LITAF: variants seen among roughly 807,000 people sequenced by gnomAD.
LITAF encodes lipopolysaccharide induced TNF factor.
LITAF carries 9 observed loss-of-function variants against 14.5 expected under a neutral mutation model. The ratio of observed to expected loss-of-function variants is 0.62; its 90% confidence interval spans 0.37 to 1.08. The LOEUF is 1.08. Ranked by LOEUF, LITAF falls within the 50% of genes least tolerant of loss-of-function variation. LITAF has a pLI of 0.01. For synonymous variants in LITAF, 98 were observed against 88.2 expected (o/e 1.11, Z -0.62); for missense variants, 206 against 213.4 (o/e 0.97, Z 0.22).
chr16:11,593,326 A>G (rs1010537155), intron 1 of LITAF, among the ~76,000 whole-genome samples: 1 of 144,946 alleles, frequency 6.9e-6, no homozygotes, highest in African/African-American at 2.6e-5. Context: ...AGTGCTCTCC[A>G]GCATGGGAGA....
intron 3 of LITAF, among the ~76,000 whole-genome samples, chr16:11,618,445 C>T (rs2065030463): frequency 1.3e-5 from 2 of 152,202 alleles, no homozygotes; most frequent in East Asian, 1.9e-4. Context: ...GTCCTTTGAC[C>T]GTGCAGTCTG....
At position 11,579,592 on chromosome 16, in the gene LITAF, G is replaced by C. The variant is rs929891376; in HGVS notation, c.-6+7294C>G. Reference sequence around the variant, plus strand: ...GCCCAGAAAAAAAGGACATCAGTGGGAGAACTGGGAACTCCAGATAAAGTC... The same window carrying C: ...GCCCAGAAAAAAAGGACATCAGTGGCAGAACTGGGAACTCCAGATAAAGTC... On this transcript the variant is annotated intron_variant, in intron 1 of 3. Transcript: ENST00000622633. Among the ~76,000 whole-genome samples, 2 of 152,076 alleles carry C rather than the reference G, an allele frequency of 1.3e-5. 1 individual carries two copies. The highest frequency in any genetic ancestry group is 1.3e-4 in the Admixed American group (2 of 15,264).
chr16:11,627,108 G>T (rs1305837480), intron 3 of LITAF, among the ~76,000 whole-genome samples: 1 of 152,074 alleles, frequency 6.6e-6, no homozygotes, highest in Non-Finnish European at 1.5e-5. Context: ...CTAGCCCCAG[G>T]GGCTGTGTCA....
Position 11,551,771 on chromosome 16 carries a change from G to A in LITAF, c.377+1762C>T, listed in dbSNP as rs993813045. 19 of 685,496 alleles carry A rather than the reference G, an allele frequency of 2.8e-5. No individual in the cohort carries two copies. In the African/African-American group the frequency reaches 3.4e-4, roughly 12 times the overall value. The allele number at this position is 685,496 out of a possible 1,614,324, so 42.5% of individuals were successfully genotyped here. A position where few individuals can be genotyped will look rare whatever the true frequency, so the allele number is the denominator to read the frequency against. ...TGCAGGAGCCCAGGAGATCAAAGCT[G>A]CGGAGAGCTACGATCGTACCACTGC... On this transcript the variant is annotated intron_variant, in intron 3 of 3. Transcript: ENST00000622633.
chr16:11,626,623 C>A (rs1194147499), intron 3 of LITAF, among the ~76,000 whole-genome samples: 1 of 152,126 alleles, frequency 6.6e-6, no homozygotes, highest in East Asian at 1.9e-4. Flanking sequence ...CAGGCGTGAG[C>A]CACCGCGCCC....
chr16:11,596,366 G>T (rs1408471478), intron 1 of LITAF, among the ~76,000 whole-genome samples: 1 of 150,886 alleles, frequency 6.6e-6, no homozygotes, highest in Non-Finnish European at 1.5e-5. Context: ...TTGGCCACAG[G>T]GATTGTGCTG....
At chr16:11,604,497 G>A (rs954823851) in intron 3 of LITAF, among the ~76,000 whole-genome samples, 1 of 151,930 alleles carries the variant, frequency 6.6e-6, no homozygotes. Context: ...GGATCCAGGA[G>A]CACAAATGCC....
intron 2 of LITAF, 194 bp downstream of exon 2, chr16:11,556,317 T>C: frequency 1.7e-6 from 1 of 602,064 alleles, no homozygotes; most frequent in East Asian, 2.8e-5. Flanking sequence ...AACCATACTT[T>C]ATTACGGAAA....
intron 3 of LITAF, among the ~76,000 whole-genome samples, chr16:11,611,971 T>C (rs922816321): frequency 6.6e-6 from 1 of 152,144 alleles, no homozygotes; most frequent in Non-Finnish European, 1.5e-5. Flanking sequence ...GGCCCTCCCA[T>C]TTCGACTGTT....
chr16:11,594,363 A>G (rs2141854608), intron 1 of LITAF, among the ~76,000 whole-genome samples: 1 of 152,194 alleles, frequency 6.6e-6, no homozygotes, highest in Non-Finnish European at 1.5e-5. Flanking sequence ...GAGGCCAGGC[A>G]GGCTATGGTT....
chr16:11,575,138 A>G (rs181644677), intron 1 of LITAF, among the ~76,000 whole-genome samples: 20 of 152,064 alleles, frequency 1.3e-4, no homozygotes, highest in Non-Finnish European at 2.6e-4. Flanking sequence ...ACTATGATCC[A>G]GTTTTCCTCC....
intron 1 of LITAF, among the ~76,000 whole-genome samples, chr16:11,597,236 T>C (rs779031726): frequency 6.6e-6 from 1 of 152,040 alleles, no homozygotes; most frequent in Non-Finnish European, 1.5e-5. Context: ...CCCTGTGACT[T>C]TGGGGTCATC....
chr16:11,549,632 G>A lies in LITAF; in HGVS notation c.*5C>T, dbSNP rs2064154376. ...CACCCGGCTCCCTCCACGTCTGGCTGAGTCCTACAAACGCTTGTAGGTGCC... is the reference window on the plus strand; with the variant it reads ...CACCCGGCTCCCTCCACGTCTGGCTAAGTCCTACAAACGCTTGTAGGTGCC... On this transcript the variant is annotated 3_prime_UTR_variant, in exon 4 of 4. Transcript: ENST00000622633. The surrounding 1 kb of genome is among the most constrained non-coding windows in gnomAD (Gnocchi z 4.6). 1 of 1,608,984 alleles carries A rather than the reference G, an allele frequency of 6.2e-7. No individual in the cohort carries two copies. The highest frequency in any genetic ancestry group is 2.2e-5 in the East Asian group (1 of 44,828).
At chr16:11,586,966 CGGGGGCG>C (rs2064815303), upstream of LITAF, 1 of 151,198 alleles carries the variant, frequency 6.6e-6, no homozygotes, top group Non-Finnish European at 1.5e-5. The surrounding 1 kb of genome is among the most constrained non-coding windows in gnomAD (Gnocchi z 6.5). Context: ...GCGGCGGGGA[CGGGGGCG>C]GGGGCTGGAC....
intron 1 of LITAF, among the ~76,000 whole-genome samples, chr16:11,568,085 C>T (rs373955819): frequency 5.9e-5 from 9 of 151,954 alleles, no homozygotes; most frequent in South Asian, 2.1e-4. Flanking sequence ...CCCAGGAGTT[C>T]GAGACCAGCC....
At chr16:11,593,634 G>T (rs1379555878) in intron 1 of LITAF, among the ~76,000 whole-genome samples, 1 of 152,154 alleles carries the variant, frequency 6.6e-6, no homozygotes, top group Non-Finnish European at 1.5e-5. Context: ...ATCTCTACCA[G>T]GAGTATTGAC....
chr16:11,615,091 A>G (rs2065009090), intron 3 of LITAF, among the ~76,000 whole-genome samples: 1 of 152,204 alleles, frequency 6.6e-6, no homozygotes, highest in South Asian at 2.1e-4. Context: ...CAAAGGAAGG[A>G]AGGAGAGACC....
chr16:11,551,548 A>T (rs867172539), intron 3 of LITAF, among the ~76,000 whole-genome samples: 1 of 152,202 alleles, frequency 6.6e-6, no homozygotes, highest in African/African-American at 2.4e-5. Context: ...ACTCAATGTA[A>T]GTTTCTATTC....
At chr16:11,614,119 T>C (rs1475673529) in intron 3 of LITAF, among the ~76,000 whole-genome samples, 2 of 151,992 alleles carry the variant, frequency 1.3e-5, no homozygotes, top group Non-Finnish European at 2.9e-5. Flanking sequence ...CACTCTCCTT[T>C]CTCCCTCCTA....
Sources: allele counts gnomAD v4.1 joint callset (sites outside exome capture counted in the v4.1 genomes callset), GRCh38; gene constraint gnomAD v4.1.1; non-coding constraint Gnocchi (gnomAD v3.1); transcripts MANE v1.5; gene names NCBI Gene and HGNC (gene_info 2026-07-23, HGNC 2026-07-21).